The following ROBO2 variants were observed in gnomAD, a reference collection of about 807,000 sequenced individuals.
ROBO2 encodes roundabout homolog 2.
Under a neutral mutation model 160.8 loss-of-function variants are expected in ROBO2, and 53 were observed. The ratio of observed to expected loss-of-function variants is 0.33; its 90% confidence interval spans 0.26 to 0.41. The LOEUF is 0.41. Ranked by LOEUF, ROBO2 falls within the 10% of genes least tolerant of loss-of-function variation. The pLI, the probability that ROBO2 is intolerant of heterozygous loss-of-function variation, is 1.00. For synonymous variants in ROBO2, 664 were observed against 611.7 expected (o/e 1.09, Z -1.26); for missense variants, 1,577 against 1,722.4 (o/e 0.92, Z 1.49).
At chr3:76,784,900 C>T (rs1576603743) in intron 2 of ROBO2, among the ~76,000 whole-genome samples, 1 of 151,346 alleles carries the variant, frequency 6.6e-6, no homozygotes, top group East Asian at 2.0e-4. Context: ...TTTTTTCTCA[C>T]TTTCTTCTGT....
At chr3:77,240,151 C>T (rs2088780472) in intron 2 of ROBO2, among the ~76,000 whole-genome samples, 1 of 152,100 alleles carries the variant, frequency 6.6e-6, no homozygotes, top group African/African-American at 2.4e-5. Context: ...GGGCGGCGCC[C>T]GTCGGGGAGG....
At chr3:77,163,078 C>T (rs187508607) in intron 2 of ROBO2, among the ~76,000 whole-genome samples, 2,010 of 152,096 alleles carry the variant, frequency 0.013, 65 homozygotes, top group African/African-American at 0.045. Flanking sequence ...TCAGGTGATC[C>T]GCCTGCCTCT....
intron 2 of ROBO2, among the ~76,000 whole-genome samples, chr3:77,434,344 C>G (rs554996976): frequency 1.3e-5 from 2 of 152,054 alleles, no homozygotes; most frequent in Non-Finnish European, 2.9e-5. Context: ...ACTGTATTCA[C>G]AACTGTAATT....
intron 2 of ROBO2, among the ~76,000 whole-genome samples, chr3:76,377,793 T>C (rs998598882): frequency 1.3e-5 from 2 of 152,150 alleles, no homozygotes; most frequent in African/African-American, 2.4e-5. Flanking sequence ...GTGTATGTAT[T>C]TTTTCTTAAT....
chr3:76,577,591 T>C (rs1342742434), intron 2 of ROBO2, among the ~76,000 whole-genome samples: 1 of 152,110 alleles, frequency 6.6e-6, no homozygotes, highest in Admixed American at 6.5e-5. Context: ...ACACCTGAAA[T>C]GTAGCCAGTG....
intron 2 of ROBO2, among the ~76,000 whole-genome samples, chr3:76,121,010 C>A (rs1278076246): frequency 6.6e-6 from 1 of 151,768 alleles, no homozygotes; most frequent in Non-Finnish European, 1.5e-5. Flanking sequence ...TTGAAGGGAG[C>A]ATAACAGCAA....
At chr3:76,383,647 A>G (rs1417188238) in intron 2 of ROBO2, among the ~76,000 whole-genome samples, 2 of 152,190 alleles carry the variant, frequency 1.3e-5, no homozygotes, top group Non-Finnish European at 2.9e-5. Flanking sequence ...ACTGACGTGC[A>G]TCTGGCATAT....
At chr3:76,218,794 A>G (rs1220826665) in intron 2 of ROBO2, among the ~76,000 whole-genome samples, 1 of 152,212 alleles carries the variant, frequency 6.6e-6, no homozygotes, top group Non-Finnish European at 1.5e-5. Context: ...GACTTTCTTC[A>G]CAGAATTGGA....
chr3:76,242,900 CAA>C, intron 2 of ROBO2, among the ~76,000 whole-genome samples: 1 of 150,162 alleles, frequency 6.7e-6, no homozygotes, highest in East Asian at 2.0e-4. Context: ...TCAACAACAA[CAA>C]AACAACAACA....
chr3:76,931,508 T>A (rs1293324385), intron 2 of ROBO2, among the ~76,000 whole-genome samples: 1 of 151,942 alleles, frequency 6.6e-6, no homozygotes, highest in African/African-American at 2.4e-5. Context: ...TTATGCTACC[T>A]TTTTAAACTA....
chr3:77,600,769 T>C (rs1247700548), intron 19 of ROBO2, among the ~76,000 whole-genome samples: 7 of 152,152 alleles, frequency 4.6e-5, no homozygotes, highest in African/African-American at 1.4e-4. Context: ...AAAATAATAC[T>C]AACACTTGAG....
At chr3:75,932,421 T>C (rs1947585764) in intron 1 of ROBO2, among the ~76,000 whole-genome samples, 1 of 152,224 alleles carries the variant, frequency 6.6e-6, no homozygotes, top group African/African-American at 2.4e-5. Flanking sequence ...TTTAAGTAAG[T>C]ACAATTTTAT....
At chr3:76,858,596 C>A (rs764877573) in intron 2 of ROBO2, among the ~76,000 whole-genome samples, 2 of 152,286 alleles carry the variant, frequency 1.3e-5, no homozygotes, top group East Asian at 1.9e-4. Flanking sequence ...AACTTACTAA[C>A]CATGTCATGA....
intron 2 of ROBO2, among the ~76,000 whole-genome samples, chr3:77,347,038 T>C (rs1489146104): frequency 6.6e-6 from 1 of 152,032 alleles, no homozygotes; most frequent in Non-Finnish European, 1.5e-5. Context: ...GGGAAAGAAA[T>C]CTCCCAGCGA....
intron 2 of ROBO2, among the ~76,000 whole-genome samples, chr3:76,387,063 G>A (rs1230414245): frequency 6.6e-6 from 1 of 152,162 alleles, no homozygotes; most frequent in Non-Finnish European, 1.5e-5. Context: ...TGAAGGTGCT[G>A]GCATTTGATG....
At chr3:76,492,505 A>G (rs1345976322) in intron 2 of ROBO2, among the ~76,000 whole-genome samples, 1 of 152,038 alleles carries the variant, frequency 6.6e-6, no homozygotes, top group African/African-American at 2.4e-5. Flanking sequence ...GTTGTCTTAG[A>G]TGGCAAAATT....
At chr3:77,042,018 C>G (rs2064149934) in intron 1 of ROBO2, among the ~76,000 whole-genome samples, 1 of 152,188 alleles carries the variant, frequency 6.6e-6, no homozygotes, top group Non-Finnish European at 1.5e-5. Context: ...CTGGCAGCTA[C>G]TGCTGCATAG....
intron 2 of ROBO2, among the ~76,000 whole-genome samples, chr3:77,292,602 C>G (rs1383863036): frequency 7.7e-6 from 1 of 129,912 alleles, no homozygotes. Flanking sequence ...CAGATCACCC[C>G]AGACATAAAG....
chr3:77,440,499 A>G (rs956887162), intron 2 of ROBO2, among the ~76,000 whole-genome samples: 1 of 152,182 alleles, frequency 6.6e-6, no homozygotes, highest in Non-Finnish European at 1.5e-5. Context: ...ATATGGCTTT[A>G]GTAGTTAAAA....
Sources: allele counts gnomAD v4.1 joint callset (sites outside exome capture counted in the v4.1 genomes callset), GRCh38; gene constraint gnomAD v4.1.1; transcripts MANE v1.5; gene names NCBI Gene and HGNC (gene_info 2026-07-23, HGNC 2026-07-21).